Variants in DOP1B observed in about 807,000 individuals in gnomAD.
The protein encoded by DOP1B is protein DOP1B.
In DOP1B, 174 loss-of-function variants were observed where a neutral mutation model predicts 233.5. That is an observed-to-expected ratio of 0.75 (90% CI 0.66 to 0.85). The LOEUF (loss-of-function observed/expected upper bound fraction) is 0.85. Ranked by LOEUF, DOP1B falls within the 40% of genes least tolerant of loss-of-function variation. The pLI is 0.00. For missense variants in DOP1B, 2,652 were observed against 2,846.6 expected (o/e 0.93, Z 1.56); for synonymous variants, 1,190 against 1,185.6 (o/e 1.00, Z -0.08).
At chr21:36,176,097 C>CGTGTGTGTGTGTGTGTGTGTGTGTGT (rs1555886143) in intron 2 of DOP1B, among the ~76,000 whole-genome samples, 1,836 of 141,808 alleles carry the variant, frequency 0.013, 38 homozygotes, top group Non-Finnish European at 0.021. Flanking sequence ...GGTGTGTGTG[C>CGTGTGTGTGTGTGTGTGTGTGTGTGT]GTGTGTGTGT....
chr21:36,212,249 A>T (rs906200385), intron 7 of DOP1B, 152 bp downstream of exon 7: 5 of 839,106 alleles, frequency 6.0e-6, no homozygotes, highest in Non-Finnish European at 6.6e-6. Context: ...TGGTCAGTTG[A>T]GGTCTGCTGC....
At chr21:36,157,113 G>A (rs551262915) in intron 1 of DOP1B, among the ~76,000 whole-genome samples, 170 bp downstream of exon 1, 3 of 152,072 alleles carry the variant, frequency 2.0e-5, no homozygotes, top group Non-Finnish European at 4.4e-5. Context: ...CGCGCGGCCC[G>A]GGCCTGCGGC....
chr21:36,248,327 G>T, intron 20 of DOP1B, 53 bp from the exon 21 acceptor site: 1 of 1,590,396 alleles, frequency 6.3e-7, no homozygotes, highest in Admixed American at 1.7e-5. Flanking sequence ...CTCGTGGGAA[G>T]AAAAACCATT....
intron 7 of DOP1B, 80 bp downstream of exon 7, chr21:36,212,177 C>G (rs74913394): frequency 0.047 from 68,205 of 1,438,258 alleles, 1,826 homozygotes; most frequent in South Asian, 0.075. Context: ...AAGATTTGGT[C>G]TTGGTGATGT....
chr21:36,258,664 CTT>C (rs2067135284), intron 23 of DOP1B, among the ~76,000 whole-genome samples: 1 of 152,228 alleles, frequency 6.6e-6, no homozygotes, highest in African/African-American at 2.4e-5. Flanking sequence ...CTCCTGGTCT[CTT>C]CCTTCGTTCC....
intron 20 of DOP1B, 96 bp from the exon 21 acceptor site, chr21:36,248,284 C>T: frequency 1.5e-6 from 2 of 1,310,850 alleles, no homozygotes; most frequent in East Asian, 2.3e-5. Flanking sequence ...GAGAGTCCAA[C>T]AGCCCAGACC....
intron 2 of DOP1B, among the ~76,000 whole-genome samples, chr21:36,175,355 C>T (rs1206594547): frequency 1.3e-5 from 2 of 151,900 alleles, no homozygotes; most frequent in African/African-American, 2.4e-5. Context: ...AAGTGATCCG[C>T]CCGCCTCGGC....
rs191010329 is a variant in DOP1B at position 36,222,556 on chromosome 21, A to G, written c.1251-675A>G. 7.2e-3 allele frequency among the ~76,000 whole-genome samples: 1,090 copies of G among 151,598 alleles called. 20 individuals are homozygous for G. The highest frequency in any genetic ancestry group is 0.025 in the African/African-American group (1,031 of 41,384). ...AGCCGAGATTGTACCACTGCACTCC[A>G]GCCTAGGAAACAGTGAGACTGTGTC... On this transcript the variant is annotated intron_variant, in intron 10 of 36. Transcript: ENST00000691173.
chr21:36,246,214 GC>G lies in DOP1B; in HGVS notation c.4237del (p.Leu1413CysfsTer30). 1.2e-6 allele frequency: 2 copies of G among 1,613,816 alleles called. No individual in the cohort carries two copies. The highest frequency in any genetic ancestry group is 2.2e-5 in the South Asian group (2 of 91,080). On this transcript the variant is annotated frameshift_variant, in exon 19 of 37. Coordinates refer to ENST00000691173, the MANE Select transcript of DOP1B (RefSeq NM_001320714.2). LOFTEE classifies it high-confidence loss of function. The surrounding 1 kb of genome is among the most constrained non-coding windows in gnomAD (Gnocchi z 5.1). The stretch of plus-strand genomic sequence containing the variant: ...GCTGGCCACCGCCCACCACGGCAGG[GC>G]CCTGCCAGAGGACAGCCTCTTTGAG... Reference protein sequence around the residue: ...YGLATAHHGRALPEDSLFEES... With the variant: ...YGLATAHHGRXLPEDSLFEES...
At chr21:36,287,909 G>T (rs2067506452) in intron 32 of DOP1B, 105 bp from the exon 33 acceptor site, 12 of 1,395,782 alleles carry the variant, frequency 8.6e-6, no homozygotes, top group Non-Finnish European at 1.2e-5. Context: ...CTTACACTGG[G>T]TTGTTACTAG....
intron 2 of DOP1B, among the ~76,000 whole-genome samples, chr21:36,180,785 G>A (rs1005848237): frequency 2.0e-5 from 3 of 151,936 alleles, no homozygotes; most frequent in African/African-American, 7.3e-5. Context: ...AGAGACTGAG[G>A]CATGAGAATC....
chr21:36,280,788 G>C (rs1263165078), intron 31 of DOP1B, among the ~76,000 whole-genome samples: 2 of 151,904 alleles, frequency 1.3e-5, no homozygotes. Context: ...CGGATCACAG[G>C]GTCAGGAGAT....
intron 4 of DOP1B, among the ~76,000 whole-genome samples, chr21:36,208,162 G>C (rs1329839963): frequency 1.3e-5 from 2 of 152,216 alleles, no homozygotes; most frequent in Non-Finnish European, 2.9e-5. Context: ...CAGGCTGATG[G>C]AATTTGCAGG....
chr21:36,263,361 C>G (rs1380137245), intron 24 of DOP1B, among the ~76,000 whole-genome samples, 185 bp from the exon 25 acceptor site: 1 of 152,044 alleles, frequency 6.6e-6, no homozygotes, highest in Non-Finnish European at 1.5e-5. Flanking sequence ...TTCTCAAACT[C>G]CAAGTGTTTG....
intron 27 of DOP1B, among the ~76,000 whole-genome samples, chr21:36,271,370 T>A (rs2067287840): frequency 6.6e-6 from 1 of 151,588 alleles, no homozygotes; most frequent in South Asian, 2.1e-4. Context: ...GCCTCCCTGG[T>A]TCAAGCCATT....
chr21:36,188,868 G>A (rs1440955225), intron 2 of DOP1B, among the ~76,000 whole-genome samples: 4 of 152,066 alleles, frequency 2.6e-5, no homozygotes, highest in South Asian at 2.1e-4. Flanking sequence ...TAAATAAAGC[G>A]TTTTAAAAAT....
chr21:36,250,204 G>T (rs1431317260), intron 21 of DOP1B, among the ~76,000 whole-genome samples: 1 of 152,188 alleles, frequency 6.6e-6, no homozygotes, highest in African/African-American at 2.4e-5. Context: ...TGGAAAAGAG[G>T]GGACAGCTCC....
intron 7 of DOP1B, among the ~76,000 whole-genome samples, chr21:36,213,544 A>G (rs1216529415): frequency 1.3e-5 from 2 of 151,576 alleles, no homozygotes; most frequent in African/African-American, 2.4e-5. Context: ...TAATCCCAGC[A>G]CTTTGGGAGG....
intron 1 of DOP1B, 113 bp from the exon 2 acceptor site, chr21:36,164,595 T>C: frequency 1.3e-6 from 1 of 743,550 alleles, no homozygotes. Context: ...GATTGCCCAG[T>C]GAGTTTGTGC....
Sources: gnomAD v4.1 joint callset for allele counts (sites outside exome capture counted in the v4.1 genomes callset) on GRCh38, gnomAD v4.1.1 for gene constraint, Gnocchi (gnomAD v3.1) non-coding constraint, MANE v1.5 for transcripts, NCBI Gene and HGNC (gene_info 2026-07-23, HGNC 2026-07-21) for gene names.